The following GAS7 variants were observed in gnomAD, a reference collection of about 807,000 sequenced individuals.
GAS7 encodes growth arrest-specific protein 7.
Under a neutral mutation model 71.1 loss-of-function variants are expected in GAS7, and 28 were observed. The ratio of observed to expected loss-of-function variants is 0.39; its 90% CI spans 0.29 to 0.54. The LOEUF is 0.54. Among genes scored for constraint, GAS7 ranks in the 20% least tolerant of loss-of-function variants. GAS7 has a pLI of 0.62. For missense variants in GAS7, 436 were observed against 627.8 expected, an observed-to-expected ratio of 0.69 and a Z score of 3.27; for synonymous variants, 258 against 245.8, an observed-to-expected ratio of 1.05 and a Z score of -0.46.
chr17:10,191,720 C>G (rs1482055631), intron 1 of GAS7, among the ~76,000 whole-genome samples: 2 of 151,566 alleles, frequency 1.3e-5, no homozygotes, highest in Non-Finnish European at 2.9e-5. Flanking sequence ...ACTAAAAATA[C>G]AAAAATTAGC....
In GAS7 at chr17:9,963,122, T is replaced by A. The variant is rs753084760; in HGVS notation, c.472-3867A>T. Among the ~76,000 whole-genome samples, 25 of 151,766 alleles carry A rather than the reference T, an allele frequency of 1.6e-4. No individual in the cohort carries two copies. In the East Asian group the frequency reaches 4.1e-3, roughly 25 times the overall value. The stretch of plus-strand genomic sequence containing the variant: ...GCAACAACTTGGATGAAACGTTCTA[T>A]CCATACGACAGAATATTCTTCTGTC... On this transcript the variant is annotated intron_variant, in intron 4 of 13. Transcript: ENST00000432992.
chr17:10,166,177 C>T (rs1428186012), intron 1 of GAS7, among the ~76,000 whole-genome samples: 1 of 152,096 alleles, frequency 6.6e-6, no homozygotes, highest in East Asian at 1.9e-4. Context: ...GCACACATCA[C>T]CATGCCCAGC....
chr17:10,122,121 C>T (rs796237603), intron 1 of GAS7, among the ~76,000 whole-genome samples: 16 of 152,300 alleles, frequency 1.1e-4, no homozygotes, highest in African/African-American at 3.6e-4. Flanking sequence ...GGACACGACT[C>T]ACTCCTCCTC....
intron 8 of GAS7, among the ~76,000 whole-genome samples, chr17:9,938,995 T>C (rs1418676714): frequency 2.6e-5 from 4 of 152,226 alleles, no homozygotes; most frequent in African/African-American, 9.6e-5. Flanking sequence ...TGTCTATCCA[T>C]GGGTATCCAT....
At chr17:10,174,269 T>C (rs1167737001) in intron 1 of GAS7, among the ~76,000 whole-genome samples, 1 of 152,224 alleles carries the variant, frequency 6.6e-6, no homozygotes, top group East Asian at 1.9e-4. Flanking sequence ...TTTTAACACA[T>C]GTTAATCACA....
At chr17:9,990,035 A>C (rs1460123583) in intron 2 of GAS7, among the ~76,000 whole-genome samples, 1 of 151,940 alleles carries the variant, frequency 6.6e-6, no homozygotes, top group Non-Finnish European at 1.5e-5. Flanking sequence ...TTTGGGAGGC[A>C]GAGGTGGACG....
intron 1 of GAS7, among the ~76,000 whole-genome samples, chr17:10,185,126 T>C (rs1426541540): frequency 6.6e-6 from 1 of 152,092 alleles, no homozygotes; most frequent in Non-Finnish European, 1.5e-5. Context: ...GGGTTTTGTA[T>C]GTTGGCCAGG....
intron 1 of GAS7, among the ~76,000 whole-genome samples, chr17:10,051,452 G>A (rs902923241): frequency 1.3e-5 from 2 of 152,222 alleles, no homozygotes; most frequent in Non-Finnish European, 2.9e-5. Context: ...ATGGCTTTGC[G>A]GGCCTAGAGC....
rs200074686 is a variant in GAS7, at chr17:9,917,204, C to T, written c.*24G>A. 1.5e-6 allele frequency: 2 copies of T among 1,348,162 alleles called. No homozygotes were observed. Among genetic ancestry groups the T allele is most frequent in the Non-Finnish European group, 2.1e-6 (2 of 937,278 alleles). 83.5% of individuals were successfully genotyped at this position (1,348,162 alleles called of 1,614,324 possible). A position where few individuals can be genotyped will look rare whatever the true frequency, so the allele number is the denominator to read the frequency against. On this transcript the variant is annotated 3_prime_UTR_variant, in exon 14 of 14. Coordinates refer to ENST00000432992, the MANE Select transcript of GAS7 (RefSeq NM_201433.2). Reference sequence around the variant, plus strand: ...AGCCCAGCCCCCCTCCCCAGCAGGACCCCCCGAAGCTGCACAGGCCCATCT... The same window carrying T: ...AGCCCAGCCCCCCTCCCCAGCAGGATCCCCCGAAGCTGCACAGGCCCATCT...
At chr17:9,917,956 C>A in intron 13 of GAS7, 45 bp downstream of exon 13, 1 of 1,408,632 alleles carries the variant, frequency 7.1e-7, no homozygotes, top group South Asian at 1.2e-5. Flanking sequence ...GCGGCTCTCC[C>A]CAGGCCCCGT....
intron 2 of GAS7, among the ~76,000 whole-genome samples, chr17:9,982,117 G>A (rs1376967871): frequency 2.0e-5 from 3 of 152,076 alleles, no homozygotes; most frequent in Non-Finnish European, 4.4e-5. Flanking sequence ...TTTTTGCTGG[G>A]GGCCCTTCTT....
chr17:10,004,914 G>A (rs1334206279), intron 2 of GAS7, among the ~76,000 whole-genome samples: 1 of 152,168 alleles, frequency 6.6e-6, no homozygotes, highest in African/African-American at 2.4e-5. Flanking sequence ...GGAGGCTGAG[G>A]CAGGAGAATC....
chr17:9,923,737 A>G (rs1019009382), intron 11 of GAS7, among the ~76,000 whole-genome samples: 1 of 152,242 alleles, frequency 6.6e-6, no homozygotes, highest in Non-Finnish European at 1.5e-5. Flanking sequence ...AATATCCATC[A>G]AGACGAATAA....
At position 9,959,607 on chromosome 17, in the gene GAS7, C is replaced by T. The variant is rs575210485; in HGVS notation, c.472-352G>A. The T allele has an allele frequency of 1.4e-5, 6 of 442,512 alleles. No individual in the cohort carries two copies. The highest frequency in any genetic ancestry group is 9.2e-5 in the South Asian group (2 of 21,832). The allele number at this position is 442,512 out of a possible 1,614,324, so 27.4% of individuals were successfully genotyped here. A position where few individuals can be genotyped will look rare whatever the true frequency, so the allele number is the denominator to read the frequency against. ...GCGTGCCGCTTGCTGCCTGAAGCCG[C>T]GGAATCCACTGGGGAGAAGAGAGTT... On this transcript the variant is annotated intron_variant, in intron 4 of 13. Coordinates refer to ENST00000432992, the MANE Select transcript of GAS7 (RefSeq NM_201433.2). The surrounding 1 kb of genome is among the most constrained non-coding windows in gnomAD (Gnocchi z 5.0).
At chr17:10,138,607 T>C (rs772615746) in intron 1 of GAS7, among the ~76,000 whole-genome samples, 2 of 151,118 alleles carry the variant, frequency 1.3e-5, no homozygotes, top group African/African-American at 2.4e-5. Flanking sequence ...TACTAAAAAG[T>C]ACAAAAAAAA....
intron 1 of GAS7, among the ~76,000 whole-genome samples, chr17:10,170,802 GAGAA>G (rs761600187): frequency 1.3e-5 from 2 of 152,232 alleles, no homozygotes; most frequent in South Asian, 4.1e-4. Flanking sequence ...AGGTTCCAAT[GAGAA>G]AGAAAGTGGC....
chr17:9,963,560 G>T (rs891828588), intron 4 of GAS7, among the ~76,000 whole-genome samples: 6 of 152,062 alleles, frequency 3.9e-5, no homozygotes, highest in African/African-American at 1.4e-4. Context: ...GGACTGGGGA[G>T]AAAAGCAGCC....
chr17:9,959,067 A>C lies in GAS7; in HGVS notation c.525+135T>G. ...CATGTGGATGGGGAACTTGAGTGAA[A>C]TCCGAGCTTTGGAACTTCCCCGTTT... On this transcript the variant is annotated intron_variant, in intron 5 of 13. Transcript: ENST00000432992. The surrounding 1 kb of genome is among the most constrained non-coding windows in gnomAD (Gnocchi z 5.0). 1 of 1,340,202 alleles carries C rather than the reference A, an allele frequency of 7.5e-7. No individual in the cohort carries two copies. Among genetic ancestry groups the C allele is most frequent in the Non-Finnish European group, 9.9e-7 (1 of 1,006,460 alleles). The allele number at this position is 1,340,202 out of a possible 1,614,324, so 83.0% of individuals were successfully genotyped here. A position where few individuals can be genotyped will look rare whatever the true frequency, so the allele number is the denominator to read the frequency against.
In GAS7 at chr17:9,920,008, T is replaced by TGTGTGTGTGTGTGC. The variant is rs1555585021; in HGVS notation, c.1139-304_1139-303insGCACACACACACAC. Among the ~76,000 whole-genome samples, 6 of 143,918 alleles carry TGTGTGTGTGTGTGC rather than the reference T, an allele frequency of 4.2e-5. No homozygotes were observed. In the East Asian group the frequency reaches 1.2e-3, roughly 28 times the overall value. 94.4% of individuals were successfully genotyped at this position (143,918 alleles called of 152,430 possible). ...GTGTGTGTGTGTGTGTGTGTGTGTG[T>TGTGTGTGTGTGTGC]GTGTGTGTCTAGGGTATTCCTAGGA... is the stretch of plus-strand genomic sequence containing the variant. On this transcript the variant is annotated intron_variant, in intron 11 of 13. Coordinates refer to ENST00000432992, the MANE Select transcript of GAS7 (RefSeq NM_201433.2).
Sources: gnomAD v4.1 joint callset for allele counts (sites outside exome capture counted in the v4.1 genomes callset) on GRCh38, gnomAD v4.1.1 for gene constraint, Gnocchi (gnomAD v3.1) non-coding constraint, MANE v1.5 for transcripts, NCBI Gene and HGNC (gene_info 2026-07-23, HGNC 2026-07-21) for gene names.